The following ABAT variants were observed in gnomAD, a reference collection of about 807,000 sequenced individuals.
The protein encoded by ABAT is 4-aminobutyrate aminotransferase.
ABAT carries 45 observed loss-of-function variants against 64.6 expected under a neutral mutation model. The ratio of observed to expected loss-of-function variants is 0.70; its 90% confidence interval spans 0.55 to 0.89. The LOEUF (loss-of-function observed/expected upper bound fraction) is 0.89, where lower values mean the gene tolerates loss of function less well. Ranked by LOEUF, ABAT falls within the 40% of genes least tolerant of loss-of-function variation. The probability of loss-of-function intolerance (pLI) is 0.00; values close to 1 mark genes in which losing one functional copy is unlikely to be tolerated. For synonymous variants in ABAT, 297 were observed against 250.5 expected, an observed-to-expected ratio of 1.19 and a Z score of -1.75; for missense variants, 633 against 658.4, an observed-to-expected ratio of 0.96 and a Z score of 0.42.
chr16:8,676,633 A>G (rs1024527010), intron 1 of ABAT, among the ~76,000 whole-genome samples: 1 of 151,946 alleles, frequency 6.6e-6, no homozygotes, highest in African/African-American at 2.4e-5. Flanking sequence ...CCAAAATCCA[A>G]ACTGACCCAG....
intron 1 of ABAT, among the ~76,000 whole-genome samples, chr16:8,700,287 C>T (rs760606003): frequency 2.6e-5 from 4 of 152,172 alleles, no homozygotes; most frequent in Non-Finnish European, 5.9e-5. Context: ...GGGGGCTGGA[C>T]TTTCCTGATA....
At chr16:8,707,259 T>G (rs548536619) in intron 1 of ABAT, among the ~76,000 whole-genome samples, 1 of 151,814 alleles carries the variant, frequency 6.6e-6, no homozygotes, top group South Asian at 2.1e-4. Flanking sequence ...CAATCATGGC[T>G]CACTGCAGCC....
rs776431473 is a variant in ABAT at position 8,764,829 on chromosome 16, G to C, written c.539G>C (p.Arg180Pro). The C allele has an allele frequency of 1.2e-6, 2 of 1,611,502 alleles. No individual in the cohort carries two copies. Among genetic ancestry groups the C allele is most frequent in the Non-Finnish European group, 8.5e-7 (1 of 1,179,324 alleles). Reference sequence around the variant, plus strand: ...TTAAAGACCATCTTCATGTGGTACCGGGTGAGGTTTGGGGCACACACACAC... The same window carrying C: ...TTAAAGACCATCTTCATGTGGTACCCGGTGAGGTTTGGGGCACACACACAC... ...NALKTIFMWY[R>P]SKERGQRGFS... Residue 180 changes from arginine to proline, a missense_variant and splice_region_variant, in exon 8 of 16, where the codon CGG (arginine) becomes CCG (proline). Arg to Pro is a moderately radical substitution (Grantham distance 103). Transcript: ENST00000268251. The surrounding 1 kb of genome is among the most constrained non-coding windows in gnomAD (Gnocchi z 4.2).
At chr16:8,750,630 A>G (rs535338749) in intron 5 of ABAT, 91 bp downstream of exon 5, 1 of 1,150,130 alleles carries the variant, frequency 8.7e-7, no homozygotes, top group Non-Finnish European at 1.3e-6. Context: ...GGCTTCCAGC[A>G]GGCACATCCC....
At chr16:8,738,604 G>GTTTTT in intron 2 of ABAT, 1 of 258,978 alleles carries the variant, frequency 3.9e-6, no homozygotes, top group South Asian at 3.8e-5. Flanking sequence ...TTTCTTTTTT[G>GTTTTT]TTTTTGTTTT....
chr16:8,722,438 C>G (rs1157249107), intron 1 of ABAT, among the ~76,000 whole-genome samples: 1 of 152,174 alleles, frequency 6.6e-6, no homozygotes, highest in Non-Finnish European at 1.5e-5. Context: ...AGCCACCACA[C>G]CTGGCCAGAA....
intron 1 of ABAT, among the ~76,000 whole-genome samples, chr16:8,680,979 TATCTA>T (rs905791362): frequency 8.3e-6 from 1 of 119,934 alleles, no homozygotes; most frequent in African/African-American, 2.9e-5. Context: ...TCTTTTTATT[TATCTA>T]TTTTTTTTTT....
chr16:8,733,873 A>T (rs558240446), intron 1 of ABAT, among the ~76,000 whole-genome samples: 1 of 152,344 alleles, frequency 6.6e-6, no homozygotes, highest in South Asian at 2.1e-4. Flanking sequence ...GTTTCATATG[A>T]CAGGAATCAT....
At chr16:8,771,295 C>T (rs1157356907) in intron 11 of ABAT, among the ~76,000 whole-genome samples, 1 of 122,094 alleles carries the variant, frequency 8.2e-6, no homozygotes, top group African/African-American at 3.1e-5. Flanking sequence ...AACTCCATCT[C>T]AAAAAAAAAA....
At chr16:8,727,449 A>G (rs1258853767) in intron 1 of ABAT, among the ~76,000 whole-genome samples, 1 of 152,164 alleles carries the variant, frequency 6.6e-6, no homozygotes, top group East Asian at 1.9e-4. Flanking sequence ...GAAATCGCCT[A>G]ACTTTTGAAG....
At chr16:8,777,209 A>T (rs2060292225) in intron 14 of ABAT, among the ~76,000 whole-genome samples, 2 of 151,970 alleles carry the variant, frequency 1.3e-5, no homozygotes, top group African/African-American at 4.8e-5. Context: ...GGCCCTGGTT[A>T]TCTTTTGACA....
chr16:8,693,865 A>C (rs1186367481), intron 1 of ABAT, among the ~76,000 whole-genome samples: 2 of 151,532 alleles, frequency 1.3e-5, no homozygotes, highest in Admixed American at 6.6e-5. Flanking sequence ...GTGTAGATTC[A>C]CACACAGTCA....
chr16:8,757,605 G>C, intron 5 of ABAT, 152 bp from the exon 6 acceptor site: 2 of 861,296 alleles, frequency 2.3e-6, no homozygotes, highest in South Asian at 2.9e-5. Context: ...GGGGCCCCAG[G>C]AATCTCTTTT....
At chr16:8,757,310 G>C (rs1188891312) in intron 5 of ABAT, 3 of 378,914 alleles carry the variant, frequency 7.9e-6, no homozygotes, top group Admixed American at 6.8e-5. Context: ...TGGGATTACA[G>C]GCACGTGCTA....
rs537608406 is a variant in ABAT at position 8,776,713 on chromosome 16, G to T, written c.1269+223G>T. Among the ~76,000 whole-genome samples the T allele has an allele frequency of 3.4e-4, 51 of 152,000 alleles. No individual in the cohort carries two copies. The highest frequency in any genetic ancestry group is 1.2e-3 in the African/African-American group (49 of 41,480). The stretch of plus-strand genomic sequence containing the variant: ...TCCAACCCCTATTCCTGAACTCCTG[G>T]TTTTCTTTGTTGTTGTTTTTTTTAA... On this transcript the variant is annotated intron_variant, in intron 14 of 15. Transcript: ENST00000268251. The surrounding 1 kb of genome is among the most constrained non-coding windows in gnomAD (Gnocchi z 4.4).
chr16:8,764,023 G>A lies in ABAT; in HGVS notation c.367-46G>A, dbSNP rs145467005. On this transcript the variant is annotated intron_variant, in intron 6 of 15. Coordinates refer to ENST00000268251, the MANE Select transcript of ABAT (RefSeq NM_020686.6). This position sits in a 1 kb window ranked among gnomAD's most constrained non-coding sequence, Gnocchi z 4.2. Reference sequence around the variant, plus strand: ...AAGCACCATTTGTGGGCAGGGAGCTGGGTCAGGCCCCCAGAAGTCACCATT... The same window carrying A: ...AAGCACCATTTGTGGGCAGGGAGCTAGGTCAGGCCCCCAGAAGTCACCATT... 6.5e-7 allele frequency: 1 copy of A among 1,531,524 alleles called. No homozygotes were observed. Among genetic ancestry groups the A allele is most frequent in the South Asian group, 1.1e-5 (1 of 89,404 alleles). The allele number at this position is 1,531,524 out of a possible 1,614,324, so 94.9% of individuals were successfully genotyped here. A position where few individuals can be genotyped will look rare whatever the true frequency, so the allele number is the denominator to read the frequency against.
In ABAT at chr16:8,764,761, G is replaced by A. The variant is rs762337644; in HGVS notation, c.471G>A (p.Gln157=). 6.2e-7 allele frequency: 1 copy of A among 1,614,106 alleles called. No homozygotes were observed. Among genetic ancestry groups the A allele is most frequent in the East Asian group, 2.2e-5 (1 of 44,870 alleles). The change falls in exon 8 of 16, where the codon CAG becomes CAA. Residue 157 remains glutamine, a synonymous_variant. Coordinates refer to ENST00000268251, the MANE Select transcript of ABAT (RefSeq NM_020686.6). The surrounding 1 kb of genome is among the most constrained non-coding windows in gnomAD (Gnocchi z 4.2). ...LLSVAPKGMS[Q]LITMACGSCS... is the part of the protein sequence containing the mutation. ...AGGTGGCTCCCAAAGGGATGTCCCA[G>A]CTCATCACCATGGCCTGCGGCTCCT...
intron 5 of ABAT, among the ~76,000 whole-genome samples, chr16:8,751,357 G>A (rs569206055): frequency 3.6e-4 from 55 of 152,250 alleles, no homozygotes; most frequent in African/African-American, 1.1e-3. Context: ...CAAAGTGCTA[G>A]GATTTCAGGT....
intron 5 of ABAT, among the ~76,000 whole-genome samples, chr16:8,756,968 C>G (rs2059665194): frequency 6.6e-6 from 1 of 152,132 alleles, no homozygotes; most frequent in Admixed American, 6.6e-5. Flanking sequence ...TGTGTGAAGG[C>G]AGGATGAGGC....
Sources: allele counts gnomAD v4.1 joint callset (sites outside exome capture counted in the v4.1 genomes callset), GRCh38; gene constraint gnomAD v4.1.1; non-coding constraint Gnocchi (gnomAD v3.1); transcripts MANE v1.5; gene names NCBI Gene and HGNC (gene_info 2026-07-23, HGNC 2026-07-21).